Variants in NUDT9 observed in about 807,000 individuals in gnomAD.
NUDT9 encodes ADP-ribose pyrophosphatase.
NUDT9 carries 31 observed loss-of-function variants against 41.0 expected under a neutral mutation model. The observed-to-expected ratio is 0.76, with a 90% confidence interval of 0.57 to 1.02. The LOEUF (loss-of-function observed/expected upper bound fraction) is 1.02. NUDT9 is among the 50% of genes least tolerant of loss of function. The pLI is 0.00. For missense variants in NUDT9, 380 were observed against 431.4 expected (o/e 0.88, Z 1.06); for synonymous variants, 146 against 147.6 (o/e 0.99, Z 0.08).
intron 1 of NUDT9, among the ~76,000 whole-genome samples, chr4:87,427,752 A>G (rs1721496600): frequency 6.6e-6 from 1 of 152,140 alleles, no homozygotes; most frequent in African/African-American, 2.4e-5. Flanking sequence ...GTATTTAATT[A>G]ATGGCCTTAA....
intron 7 of NUDT9, among the ~76,000 whole-genome samples, chr4:87,455,397 A>G (rs956697067): frequency 6.6e-6 from 1 of 152,234 alleles, no homozygotes; most frequent in Non-Finnish European, 1.5e-5. Context: ...AGGTCTGTAC[A>G]ACTTTAGTAC....
At chr4:87,453,511 C>T (rs1159099806) in intron 6 of NUDT9, among the ~76,000 whole-genome samples, 2 of 152,056 alleles carry the variant, frequency 1.3e-5, no homozygotes, top group East Asian at 3.9e-4. Context: ...CTCACTGCAA[C>T]CTCTGCCTCA....
At chr4:87,450,518 A>G (rs1232771341) in intron 5 of NUDT9, among the ~76,000 whole-genome samples, 1 of 150,314 alleles carries the variant, frequency 6.7e-6, no homozygotes, top group East Asian at 2.0e-4. Context: ...AGCTGGGATT[A>G]TAGGCGACCA....
intron 2 of NUDT9, among the ~76,000 whole-genome samples, chr4:87,437,014 C>T (rs572310926): frequency 1.1e-3 from 171 of 151,922 alleles, no homozygotes; most frequent in Middle Eastern, 3.4e-3. Flanking sequence ...TTTGGGAGGC[C>T]GAGGCAGGCG....
In NUDT9 at chr4:87,454,379, G is replaced by A. The variant is rs748039785; in HGVS notation, c.798G>A (p.Lys266=). Residue 266 remains lysine, a synonymous_variant, in exon 7 of 8, where the codon AAG becomes AAA. Coordinates refer to ENST00000302174, the MANE Select transcript of NUDT9 (RefSeq NM_024047.5). ...LFSQDHLVIY[K]GYVDDPRNTD... ...TCTTCTTTTGAAAATAGATATATAAGGGATATGTTGATGATCCTCGAAACA... is the reference window on the plus strand; with the variant it reads ...TCTTCTTTTGAAAATAGATATATAAAGGATATGTTGATGATCCTCGAAACA... The A allele has an allele frequency of 1.2e-6, 2 of 1,605,202 alleles. No individual in the cohort carries two copies. Among genetic ancestry groups the A allele is most frequent in the Non-Finnish European group, 1.7e-6 (2 of 1,172,084 alleles).
chr4:87,437,359 G>A (rs917292686), intron 2 of NUDT9, among the ~76,000 whole-genome samples: 2 of 149,688 alleles, frequency 1.3e-5, no homozygotes, highest in Non-Finnish European at 3.0e-5. Flanking sequence ...TTTATTTTTC[G>A]AGATGGAGTC....
intron 1 of NUDT9, among the ~76,000 whole-genome samples, chr4:87,424,647 C>CCATCTGTCATT (rs1219338876): frequency 1.3e-5 from 2 of 152,176 alleles, no homozygotes; most frequent in African/African-American, 2.4e-5. Context: ...AAGTTGGTTA[C>CCATCTGTCATT]CATCTGTCAT....
intron 4 of NUDT9, among the ~76,000 whole-genome samples, chr4:87,448,559 G>A (rs890274614): frequency 6.6e-6 from 1 of 151,828 alleles, no homozygotes; most frequent in African/African-American, 2.4e-5. Flanking sequence ...TTATCTCAGT[G>A]CAACCTTAAA....
Position 87,422,918 on chromosome 4 carries a change from CT to C in NUDT9, c.14del (p.Leu5ProfsTer6). 6.2e-7 allele frequency: 1 copy of C among 1,610,972 alleles called. No homozygotes were observed. The highest frequency in any genetic ancestry group is 8.5e-7 in the Non-Finnish European group (1 of 1,179,676). On this transcript the variant is annotated frameshift_variant, in exon 1 of 8. Transcript: ENST00000302174. LOFTEE classifies it high-confidence loss of function. ...CCTCGGGGCGCTCATGGCGGGACGC[CT>C]CCTGGGAAAGGCTTTAGCCGCGGTG... MAGR[L>X]LGKALAAVSL...
intron 1 of NUDT9, among the ~76,000 whole-genome samples, chr4:87,433,081 C>A (rs1207306043): frequency 1.3e-5 from 2 of 152,082 alleles, no homozygotes; most frequent in East Asian, 1.9e-4. Context: ...GGTGTTGATT[C>A]TTCTTTAAAT....
chr4:87,442,411 G>GT (rs1290806878), intron 4 of NUDT9, among the ~76,000 whole-genome samples: 1 of 152,218 alleles, frequency 6.6e-6, no homozygotes. Context: ...GGGTGAGTCA[G>GT]TGAGTGGTGA....
Position 87,445,889 on chromosome 4 carries a change from TG to T in NUDT9, c.531-3252del, listed in dbSNP as rs537608451. ...AAATCTGAGAACATATGCAAGCTGC[TG>T]ATCATCTCTCTGATCCTGCCTTCTC... On this transcript the variant is annotated intron_variant, in intron 4 of 7. Coordinates refer to ENST00000302174, the MANE Select transcript of NUDT9 (RefSeq NM_024047.5). Among the ~76,000 whole-genome samples, 549 of 152,130 alleles carry T rather than the reference TG, an allele frequency of 3.6e-3. 3 individuals carry two copies. The highest frequency in any genetic ancestry group is 0.013 in the African/African-American group (530 of 41,524).
chr4:87,431,779 G>A (rs535234775), intron 1 of NUDT9, among the ~76,000 whole-genome samples: 11 of 152,236 alleles, frequency 7.2e-5, no homozygotes, highest in Middle Eastern at 3.4e-3. Context: ...TCCGCCTCTG[G>A]GGTTTAAGTG....
chr4:87,439,811 G>C (rs915850199), intron 3 of NUDT9, among the ~76,000 whole-genome samples: 3 of 152,148 alleles, frequency 2.0e-5, no homozygotes, highest in Non-Finnish European at 4.4e-5. Context: ...GATTTGGGTG[G>C]AGTCACAGAG....
chr4:87,457,605 C>T (rs972288238), intron 7 of NUDT9, among the ~76,000 whole-genome samples: 1 of 151,948 alleles, frequency 6.6e-6, no homozygotes, highest in African/African-American at 2.4e-5. Flanking sequence ...TTAGAGAAAA[C>T]TCTTTGTGTT....
intron 4 of NUDT9, among the ~76,000 whole-genome samples, chr4:87,447,213 G>T (rs1722499294): frequency 6.6e-6 from 1 of 151,850 alleles, no homozygotes; most frequent in Admixed American, 6.6e-5. Context: ...CCCCTTTCTG[G>T]CATTTTAAAA....
rs77079320 is a variant in NUDT9 at position 87,451,257 on chromosome 4, G to A, written c.643-332G>A. 1.9e-3 allele frequency among the ~76,000 whole-genome samples: 292 copies of A among 152,298 alleles called. 1 individual carries two copies. The highest frequency in any genetic ancestry group is 6.8e-3 in the African/African-American group (283 of 41,566). On this transcript the variant is annotated intron_variant, in intron 5 of 7. Coordinates refer to ENST00000302174, the MANE Select transcript of NUDT9 (RefSeq NM_024047.5). ...GAACATTGAGGAGGTCAGTGTGGCT[G>A]GAATGGAATGAACAATGGGGGAAGA...
In NUDT9 at chr4:87,448,040, A is replaced by C. The variant is rs533097400; in HGVS notation, c.531-1102A>C. On this transcript the variant is annotated intron_variant, in intron 4 of 7. Coordinates refer to ENST00000302174, the MANE Select transcript of NUDT9 (RefSeq NM_024047.5). ...GAGCAAGACCCTGTCTTTTTAAAAAAAAAAAAAAAAAGATTGAGAAGTACT... is the reference window on the plus strand; with the variant it reads ...GAGCAAGACCCTGTCTTTTTAAAAACAAAAAAAAAAAGATTGAGAAGTACT... Among the ~76,000 whole-genome samples the C allele has an allele frequency of 8.5e-3, 1,286 of 152,140 alleles. 10 individuals are homozygous for C. The highest frequency in any genetic ancestry group is 0.027 in the African/African-American group (1,140 of 41,498).
In NUDT9 at chr4:87,438,285, A is replaced by G. The variant is rs1402601207; in HGVS notation, c.356A>G (p.Asn119Ser). The change falls in exon 3 of 8, where the codon AAT becomes AGT. Residue 119 changes from asparagine to serine, a missense_variant. Coordinates refer to ENST00000302174, the MANE Select transcript of NUDT9 (RefSeq NM_024047.5). ...RWADPQISES[N>S]FSPKFNEKDG... is the part of the protein sequence containing the mutation. ...TGGTATTCTCATTACAGTGAAAGTA[A>G]TTTTTCTCCCAAGTTTAACGAAAAG... 6.3e-7 allele frequency: 1 copy of G among 1,591,008 alleles called. No individual in the cohort carries two copies. The highest frequency in any genetic ancestry group is 2.2e-5 in the East Asian group (1 of 44,652).
Sources: allele counts gnomAD v4.1 joint callset (sites outside exome capture counted in the v4.1 genomes callset), GRCh38; gene constraint gnomAD v4.1.1; transcripts MANE v1.5; gene names NCBI Gene and HGNC (gene_info 2026-07-23, HGNC 2026-07-21).